Variants in CORIN observed in about 807,000 individuals in gnomAD.
CORIN encodes the protein atrial natriuretic peptide-converting enzyme.
Under a neutral mutation model 125.3 loss-of-function variants are expected in CORIN, and 117 were observed. The ratio of observed to expected loss-of-function variants is 0.93; its 90% CI spans 0.80 to 1.09. CORIN has a LOEUF of 1.09. Ranked by LOEUF, CORIN falls within the 50% of genes least tolerant of loss-of-function variation. CORIN has a pLI of 0.00. For synonymous variants in CORIN, 450 were observed against 466.4 expected (o/e 0.96, Z 0.45); for missense variants, 1,253 against 1,306.7 (o/e 0.96, Z 0.63).
At chr4:47,706,125 T>G (rs1468491826) in intron 5 of CORIN, among the ~76,000 whole-genome samples, 1 of 152,222 alleles carries the variant, frequency 6.6e-6, no homozygotes, top group Non-Finnish European at 1.5e-5. Context: ...TTGTACATAA[T>G]GTGATTTCTG....
intron 2 of CORIN, among the ~76,000 whole-genome samples, chr4:47,787,568 A>G (rs1415960602): frequency 6.6e-6 from 1 of 152,114 alleles, no homozygotes; most frequent in Non-Finnish European, 1.5e-5. Flanking sequence ...AATTATCTTC[A>G]TCTTCGACCA....
chr4:47,733,211 A>G (rs1727966384), intron 5 of CORIN, among the ~76,000 whole-genome samples: 1 of 152,180 alleles, frequency 6.6e-6, no homozygotes, highest in Non-Finnish European at 1.5e-5. Flanking sequence ...CCACTTAGGT[A>G]TTATTATTTC....
At chr4:47,700,335 C>T (rs528124795) in intron 5 of CORIN, among the ~76,000 whole-genome samples, 191 of 152,188 alleles carry the variant, frequency 1.3e-3, no homozygotes, top group African/African-American at 4.4e-3. Context: ...GACACCTGGA[C>T]CCACAAATGA....
chr4:47,675,635 A>C (rs2109700106), intron 9 of CORIN, among the ~76,000 whole-genome samples: 1 of 152,336 alleles, frequency 6.6e-6, no homozygotes, highest in Admixed American at 6.5e-5. Flanking sequence ...AAAGGGCATA[A>C]TACCCCCTGG....
At chr4:47,824,006 AC>A (rs752967218) in intron 1 of CORIN, among the ~76,000 whole-genome samples, 75 of 152,052 alleles carry the variant, frequency 4.9e-4, no homozygotes, top group Non-Finnish European at 9.3e-4. Context: ...ACACTTTAGA[AC>A]CCACCTTACT....
intron 2 of CORIN, among the ~76,000 whole-genome samples, chr4:47,798,222 G>C (rs1731382135): frequency 6.6e-6 from 1 of 152,208 alleles, no homozygotes; most frequent in South Asian, 2.1e-4. Context: ...CCCACCTCTC[G>C]TATCTTCAGA....
At chr4:47,631,266 G>A (rs1346242917) in intron 16 of CORIN, among the ~76,000 whole-genome samples, 1 of 152,166 alleles carries the variant, frequency 6.6e-6, no homozygotes, top group Non-Finnish European at 1.5e-5. Context: ...GCCCCTGTTA[G>A]GAACCAGGCC....
Position 47,686,499 on chromosome 4 carries a change from C to T in CORIN, c.914-2661G>A, listed in dbSNP as rs549625780. ...GCGCTATTTCCCCACCCTGCACCCC[C>T]ACTGCTGAATGAGGCTACAACACAT... is the stretch of plus-strand genomic sequence containing the variant. On this transcript the variant is annotated intron_variant, in intron 6 of 21. Coordinates refer to ENST00000273857, the MANE Select transcript of CORIN (RefSeq NM_006587.4). Among the ~76,000 whole-genome samples, 4 of 152,300 alleles carry T rather than the reference C, an allele frequency of 2.6e-5. No individual in the cohort carries two copies. The South Asian group carries it at 8.3e-4, about 32-fold the overall frequency.
intron 6 of CORIN, among the ~76,000 whole-genome samples, chr4:47,690,848 A>G (rs1219568918): frequency 6.6e-6 from 1 of 152,268 alleles, no homozygotes; most frequent in Non-Finnish European, 1.5e-5. Context: ...CACCACAAGC[A>G]TTCAACCTTA....
intron 19 of CORIN, among the ~76,000 whole-genome samples, chr4:47,604,574 A>G (rs955694660): frequency 6.6e-6 from 1 of 152,204 alleles, no homozygotes; most frequent in Non-Finnish European, 1.5e-5. Context: ...GTTTACAGGA[A>G]CTTAATACTA....
chr4:47,613,250 C>T (rs1052784102), intron 19 of CORIN, among the ~76,000 whole-genome samples: 4 of 152,224 alleles, frequency 2.6e-5, no homozygotes, highest in African/African-American at 4.8e-5. Flanking sequence ...GTCAGGAGTA[C>T]GAGACCAGAC....
chr4:47,703,182 C>A (rs1726389510), intron 5 of CORIN, among the ~76,000 whole-genome samples: 1 of 152,140 alleles, frequency 6.6e-6, no homozygotes, highest in Non-Finnish European at 1.5e-5. Context: ...CGCTGGAGCC[C>A]CTCCTATACT....
In CORIN at chr4:47,645,108, G is replaced by C; in HGVS notation, c.1930C>G (p.Pro644Ala). The C allele has an allele frequency of 6.2e-7, 1 of 1,610,876 alleles. No homozygotes were observed. The highest frequency in any genetic ancestry group is 8.5e-7 in the Non-Finnish European group (1 of 1,178,158). ...CAGTTTTTCTCGTCCATGTAATCAG[G>C]GCAGTCTGGGAACCCATCGCAGATC... ...TVICDGFPDCPDYMDEKNCSF... is the reference protein window; with the variant it reads ...TVICDGFPDCADYMDEKNCSF... The change falls in exon 14 of 22, where the codon CCT becomes GCT. Residue 644 changes from proline to alanine, a missense_variant. Coordinates refer to ENST00000273857, the MANE Select transcript of CORIN (RefSeq NM_006587.4).
At chr4:47,788,732 T>C (rs1730931502) in intron 2 of CORIN, among the ~76,000 whole-genome samples, 5 of 152,214 alleles carry the variant, frequency 3.3e-5, no homozygotes, top group Admixed American at 2.6e-4. Context: ...GTGATATTTA[T>C]GCTAATGTGG....
intron 5 of CORIN, among the ~76,000 whole-genome samples, chr4:47,695,947 C>T (rs1333480905): frequency 6.6e-6 from 1 of 152,180 alleles, no homozygotes; most frequent in Admixed American, 6.5e-5. Context: ...GATCTAGGCC[C>T]AATCCTCCAT....
In CORIN at chr4:47,816,835, C is replaced by T. The variant is rs114433063; in HGVS notation, c.64-9788G>A. 8.4e-3 allele frequency among the ~76,000 whole-genome samples: 1,244 copies of T among 148,812 alleles called. 14 individuals carry two copies. The highest frequency in any genetic ancestry group is 0.029 in the African/African-American group (1,175 of 40,782). ...ATAAATGCCAGCCATAGCACAAGCA[C>T]ACACACACGTGCACACACACACACA... On this transcript the variant is annotated intron_variant, in intron 1 of 21. Coordinates refer to ENST00000273857, the MANE Select transcript of CORIN (RefSeq NM_006587.4).
chr4:47,733,127 A>G (rs1727962303), intron 5 of CORIN, among the ~76,000 whole-genome samples: 1 of 151,824 alleles, frequency 6.6e-6, no homozygotes, highest in Admixed American at 6.6e-5. Context: ...ACATTTGCAC[A>G]GGGCATGTGG....
Position 47,600,215 on chromosome 4 carries a change from A to T in CORIN, c.2945T>A (p.Met982Lys), listed in dbSNP as rs1185430032. Residue 982 changes from methionine (M) to lysine (K), a missense_variant and splice_region_variant, in exon 21 of 22, where the codon ATG becomes AAG. Coordinates refer to ENST00000273857, the MANE Select transcript of CORIN (RefSeq NM_006587.4). ...CTTGGTAACCAGAAAGCAACTTACC[A>T]TGCATGAATCAACTGTGCCAGACTC... The part of the protein sequence containing the change: ...GYESGTVDSC[M>K]GDSGGPLVCE... 1.2e-6 allele frequency: 2 copies of T among 1,606,604 alleles called. No individual in the cohort carries two copies. The highest frequency in any genetic ancestry group is 3.4e-5 in the Admixed American group (2 of 59,442).
At chr4:47,817,634 GCTT>G (rs1440456384) in intron 1 of CORIN, among the ~76,000 whole-genome samples, 7 of 152,174 alleles carry the variant, frequency 4.6e-5, no homozygotes, top group African/African-American at 1.7e-4. Flanking sequence ...GTAGATGTGA[GCTT>G]CTAGTTTTGA....
Sources: gnomAD v4.1 joint callset for allele counts (sites outside exome capture counted in the v4.1 genomes callset) on GRCh38, gnomAD v4.1.1 for gene constraint, MANE v1.5 for transcripts, NCBI Gene and HGNC (gene_info 2026-07-23, HGNC 2026-07-21) for gene names.